Variants in ENTPD1 observed in about 807,000 individuals in gnomAD.
ENTPD1 encodes the protein ATP diphosphohydrolase.
Under a neutral mutation model 57.0 loss-of-function variants are expected in ENTPD1, and 33 were observed. The ratio of observed to expected loss-of-function variants is 0.58; its 90% confidence interval spans 0.44 to 0.77. ENTPD1 has a LOEUF of 0.77. Ranked by LOEUF, ENTPD1 falls within the 30% of genes least tolerant of loss-of-function variation. The pLI is 0.00. For synonymous variants in ENTPD1, 202 were observed against 218.8 expected (o/e 0.92, Z 0.68); for missense variants, 501 against 603.4 (o/e 0.83, Z 1.78).
At chr10:95,848,515 C>T (rs1207469018) in intron 7 of ENTPD1, among the ~76,000 whole-genome samples, 1 of 152,036 alleles carries the variant, frequency 6.6e-6, no homozygotes, top group Admixed American at 6.6e-5. Context: ...TATTTGATTT[C>T]TGGGATATTG....
chr10:95,762,258 T>TTC (rs1434936738), intron 1 of ENTPD1, among the ~76,000 whole-genome samples: 1 of 148,500 alleles, frequency 6.7e-6, no homozygotes, highest in Non-Finnish European at 1.5e-5. Flanking sequence ...ATAGGAAGGA[T>TTC]GTAAAGCATT....
chr10:95,761,920 T>C (rs2098065322), intron 1 of ENTPD1, among the ~76,000 whole-genome samples: 1 of 152,204 alleles, frequency 6.6e-6, no homozygotes, highest in Admixed American at 6.5e-5. Context: ...TTGTCTACGC[T>C]CTGCAGAAGA....
At position 95,826,889 on chromosome 10, in the gene ENTPD1, G is replaced by A. The variant is rs897627511; in HGVS notation, c.144+3525G>A. On this transcript the variant is annotated intron_variant, in intron 2 of 9. Transcript: ENST00000371205. ...CTACAAGAAAAATGTGGAAGGAGGG[G>A]GAGCCTTTGGGTTCAATTTTTGAAG... is the stretch of plus-strand genomic sequence containing the variant. 2.6e-5 allele frequency among the ~76,000 whole-genome samples: 4 copies of A among 152,050 alleles called. No individual in the cohort carries two copies. In the East Asian group the frequency reaches 7.7e-4, roughly 29 times the overall value.
intron 1 of ENTPD1, among the ~76,000 whole-genome samples, chr10:95,758,002 CAAAAAAAAA>C (rs57407553): frequency 5.3e-4 from 14 of 26,414 alleles, no homozygotes; most frequent in African/African-American, 8.6e-4. Flanking sequence ...GACACTGTCT[CAAAAAAAAA>C]AAAAAAAAAA....
chr10:95,872,051 G>C lies in ENTPD1; in HGVS notation c.*5668G>C. On this transcript the variant is annotated 3_prime_UTR_variant, in exon 10 of 10. Transcript: ENST00000371205. The stretch of plus-strand genomic sequence containing the variant: ...ATGAACCAAGATCAGCTCCATCACT[G>C]GGACCTCCCCATTCTGCCTGTGCAA... 1.0e-6 allele frequency: 1 copy of C among 985,286 alleles called. No homozygotes were observed. The highest frequency in any genetic ancestry group is 1.2e-6 in the Non-Finnish European group (1 of 829,914). 61.0% of individuals were successfully genotyped at this position (985,286 alleles called of 1,614,324 possible). A position where few individuals can be genotyped will look rare whatever the true frequency, so the allele number is the denominator to read the frequency against.
At chr10:95,702,869 G>A in the ENTPD1 span, among the ~76,000 whole-genome samples, 16 of 152,094 alleles carry the variant, frequency 1.1e-4, no homozygotes, top group African/African-American at 2.7e-4. Context: ...TGCAAACTCC[G>A]CCTCTGGGTT....
In ENTPD1 at chr10:95,867,033, C is replaced by G. The variant is rs2098475278; in HGVS notation, c.*650C>G. ...TAAATCACATATTCCTAGGTGATACCCAAATGCTACAGAGTGGAACACTCA... is the reference window on the plus strand; with the variant it reads ...TAAATCACATATTCCTAGGTGATACGCAAATGCTACAGAGTGGAACACTCA... On this transcript the variant is annotated 3_prime_UTR_variant, in exon 10 of 10. Transcript: ENST00000371205. 4.0e-6 allele frequency: 4 copies of G among 990,710 alleles called. No individual in the cohort carries two copies. The South Asian group carries it at 1.4e-4, about 34-fold the overall frequency. 61.4% of individuals were successfully genotyped at this position (990,710 alleles called of 1,614,324 possible). A position where few individuals can be genotyped will look rare whatever the true frequency, so the allele number is the denominator to read the frequency against.
At chr10:95,851,945 A>T (rs1479732287) in intron 7 of ENTPD1, among the ~76,000 whole-genome samples, 1 of 152,208 alleles carries the variant, frequency 6.6e-6, no homozygotes, top group African/African-American at 2.4e-5. Context: ...GTATATACCC[A>T]GTAATGGGAT....
intron 1 of ENTPD1, among the ~76,000 whole-genome samples, chr10:95,722,235 G>T (rs1037280202): frequency 6.8e-5 from 10 of 146,618 alleles, no homozygotes; most frequent in East Asian, 2.0e-4. Flanking sequence ...ACCCATTGTG[G>T]TTTTTTTTTT....
chr10:95,809,707 C>A (rs999809714), intron 1 of ENTPD1, among the ~76,000 whole-genome samples: 1 of 148,494 alleles, frequency 6.7e-6, no homozygotes, highest in South Asian at 2.1e-4. Flanking sequence ...CTCCCCACCC[C>A]CCAGACGGGG....
At chr10:95,804,938 G>A (rs545270006) in intron 1 of ENTPD1, among the ~76,000 whole-genome samples, 14 of 152,150 alleles carry the variant, frequency 9.2e-5, no homozygotes, top group South Asian at 8.3e-4. Flanking sequence ...TGAGATAATC[G>A]TGTGGTTTTT....
At position 95,876,489 on chromosome 10, in the gene ENTPD1, T is replaced by C. The variant is rs982399987; in HGVS notation, c.*10106T>C. Reference sequence around the variant, plus strand: ...CTTAAAAATATGTCTCTCTGTCCTATTCTGTATCTGTATCTCTTGGATTTT... The same window carrying C: ...CTTAAAAATATGTCTCTCTGTCCTACTCTGTATCTGTATCTCTTGGATTTT... On this transcript the variant is annotated 3_prime_UTR_variant, in exon 10 of 10. Coordinates refer to ENST00000371205, the MANE Select transcript of ENTPD1 (RefSeq NM_001776.6). 2 of 1,231,396 alleles carry C rather than the reference T, an allele frequency of 1.6e-6. No individual in the cohort carries two copies. The highest frequency in any genetic ancestry group is 3.1e-5 in the African/African-American group (2 of 64,424). 76.3% of individuals were successfully genotyped at this position (1,231,396 alleles called of 1,614,324 possible). A position where few individuals can be genotyped will look rare whatever the true frequency, so the allele number is the denominator to read the frequency against.
At chr10:95,737,527 G>A (rs2097995947) in intron 1 of ENTPD1, among the ~76,000 whole-genome samples, 2 of 151,974 alleles carry the variant, frequency 1.3e-5, no homozygotes, top group South Asian at 4.2e-4. Flanking sequence ...TGGGATTACA[G>A]GTGGCTGCCA....
chr10:95,814,787 A>G (rs2098324164), intron 1 of ENTPD1, among the ~76,000 whole-genome samples: 1 of 152,182 alleles, frequency 6.6e-6, no homozygotes. Context: ...CTGTGGTTCA[A>G]GAGATCAGTG....
intron 4 of ENTPD1, among the ~76,000 whole-genome samples, chr10:95,842,953 C>T (rs1383694410): frequency 6.6e-6 from 1 of 152,220 alleles, no homozygotes; most frequent in African/African-American, 2.4e-5. Flanking sequence ...AGTGCCTGCT[C>T]TATCCAGAAT....
At chr10:95,737,682 C>T (rs547261992) in intron 1 of ENTPD1, among the ~76,000 whole-genome samples, 8 of 152,186 alleles carry the variant, frequency 5.3e-5, no homozygotes, top group Admixed American at 1.3e-4. Flanking sequence ...CTGCTGCAAC[C>T]GGCCTAAAAA....
intron 1 of ENTPD1, among the ~76,000 whole-genome samples, chr10:95,776,832 C>A (rs1195157981): frequency 1.3e-5 from 2 of 152,150 alleles, no homozygotes; most frequent in African/African-American, 2.4e-5. Context: ...TTGTTCATTT[C>A]TTTTTACTCT....
intron 1 of ENTPD1, among the ~76,000 whole-genome samples, chr10:95,787,220 T>C (rs896268404): frequency 2.0e-5 from 3 of 152,224 alleles, no homozygotes; most frequent in African/African-American, 7.2e-5. Context: ...TATGATTTAT[T>C]GATACAACTT....
intron 1 of ENTPD1, among the ~76,000 whole-genome samples, chr10:95,767,410 C>T (rs2098093907): frequency 6.6e-6 from 1 of 151,298 alleles, no homozygotes; most frequent in African/African-American, 2.4e-5. Context: ...AATTTTTGAC[C>T]CCATTATGAG....
Sources: allele counts gnomAD v4.1 joint callset (sites outside exome capture counted in the v4.1 genomes callset), GRCh38; gene constraint gnomAD v4.1.1; transcripts MANE v1.5; gene names NCBI Gene and HGNC (gene_info 2026-07-23, HGNC 2026-07-21).